AP3B1: variants seen among roughly 807,000 people sequenced by gnomAD.
The protein encoded by AP3B1 is adaptor related protein complex 3 subunit beta 1.
In AP3B1, 61 loss-of-function variants were observed where a neutral mutation model predicts 132.5. The ratio of observed to expected loss-of-function variants is 0.46; its 90% CI spans 0.37 to 0.57. The LOEUF (loss-of-function observed/expected upper bound fraction) is 0.57. Among genes scored for constraint, AP3B1 ranks in the 20% least tolerant of loss-of-function variants. AP3B1 has a pLI of 0.00. For synonymous variants in AP3B1, 388 were observed against 438.3 expected, an observed-to-expected ratio of 0.89 and a Z score of 1.43; for missense variants, 1,120 against 1,289.4, an observed-to-expected ratio of 0.87 and a Z score of 2.01.
intron 2 of AP3B1, among the ~76,000 whole-genome samples, chr5:78,245,083 T>G (rs1039598918): frequency 6.6e-6 from 1 of 151,676 alleles, no homozygotes; most frequent in African/African-American, 2.4e-5. Context: ...CAACAAAGGA[T>G]TGAGAAGAGA....
At chr5:78,057,329 A>AGG (rs1748857448) in intron 22 of AP3B1, among the ~76,000 whole-genome samples, 2 of 152,146 alleles carry the variant, frequency 1.3e-5, no homozygotes. Context: ...GTGGACCCTT[A>AGG]GGGTTCCTTT....
At chr5:78,006,090 T>C (rs1746379969) in intron 26 of AP3B1, among the ~76,000 whole-genome samples, 1 of 152,212 alleles carries the variant, frequency 6.6e-6, no homozygotes, top group Non-Finnish European at 1.5e-5. Context: ...CAGCTATCAT[T>C]TGTTAAGCAC....
intron 13 of AP3B1, among the ~76,000 whole-genome samples, chr5:78,159,300 T>C (rs866360966): frequency 6.6e-6 from 1 of 152,166 alleles, no homozygotes; most frequent in African/African-American, 2.4e-5. Context: ...TTTGGCATCA[T>C]TTATCTTTAG....
intron 7 of AP3B1, among the ~76,000 whole-genome samples, chr5:78,195,447 C>T (rs1470304356): frequency 6.6e-6 from 1 of 152,154 alleles, no homozygotes; most frequent in South Asian, 2.1e-4. Flanking sequence ...CTCATAAATA[C>T]AGCCAACTGC....
At chr5:78,149,649 T>C (rs1415886260) in intron 14 of AP3B1, among the ~76,000 whole-genome samples, 10 of 152,206 alleles carry the variant, frequency 6.6e-5, no homozygotes, top group Non-Finnish European at 1.2e-4. Context: ...TTGTCAGTAC[T>C]ATGATCCCCA....
At chr5:78,231,075 G>A (rs536212123) in intron 3 of AP3B1, among the ~76,000 whole-genome samples, 337 of 151,984 alleles carry the variant, frequency 2.2e-3, no homozygotes, top group Non-Finnish European at 3.8e-3. Context: ...AGCCAAGATC[G>A]CACCACTGCA....
intron 1 of AP3B1, among the ~76,000 whole-genome samples, chr5:78,284,459 T>C (rs772213446): frequency 1.1e-4 from 16 of 152,234 alleles, no homozygotes; most frequent in Non-Finnish European, 2.4e-4. Flanking sequence ...TTGTATACCT[T>C]AGTTGTTTAC....
At chr5:78,062,177 G>A (rs1749087525) in intron 22 of AP3B1, among the ~76,000 whole-genome samples, 1 of 152,134 alleles carries the variant, frequency 6.6e-6, no homozygotes, top group South Asian at 2.1e-4. Context: ...AACTTTCTCT[G>A]CAAAAATACC....
At chr5:78,196,756 G>C (rs1580473288) in intron 7 of AP3B1, among the ~76,000 whole-genome samples, 1 of 152,148 alleles carries the variant, frequency 6.6e-6, no homozygotes, top group African/African-American at 2.4e-5. Context: ...ATATAAGTGA[G>C]AGAATCCAAT....
At chr5:78,000,582 T>C (rs957241782), downstream of AP3B1, 15 of 151,996 alleles carry the variant, frequency 9.9e-5, no homozygotes, top group Non-Finnish European at 1.9e-4. Flanking sequence ...ACAGTCTCTT[T>C]AGAATAAAAA....
intron 21 of AP3B1, among the ~76,000 whole-genome samples, chr5:78,092,128 T>C (rs750773636): frequency 1.3e-5 from 2 of 152,226 alleles, no homozygotes. Flanking sequence ...TACATCTATC[T>C]ACCCACCCGT....
At chr5:78,116,595 G>A (rs543968534) in intron 17 of AP3B1, among the ~76,000 whole-genome samples, 1 of 151,564 alleles carries the variant, frequency 6.6e-6, no homozygotes, top group African/African-American at 2.4e-5. Context: ...TTGATAGCTT[G>A]ACACTGAGGG....
intron 2 of AP3B1, among the ~76,000 whole-genome samples, chr5:78,246,480 C>T (rs568053997): frequency 5.9e-5 from 9 of 152,068 alleles, no homozygotes; most frequent in Admixed American, 3.3e-4. Flanking sequence ...TAGAACTGAA[C>T]GTTCCCTGTA....
At chr5:78,233,686 G>T (rs1161212845) in intron 3 of AP3B1, among the ~76,000 whole-genome samples, 2 of 152,134 alleles carry the variant, frequency 1.3e-5, no homozygotes, top group Non-Finnish European at 2.9e-5. Context: ...AATGTGTAAG[G>T]CCCTACATCT....
rs963813048 is a variant in AP3B1 at position 78,060,772 on chromosome 5, G to GA, written c.2578-21499dup. On this transcript the variant is annotated intron_variant, in intron 22 of 26. Transcript: ENST00000255194. ...TATTAACAGAAATATTCAGGTTTTT[G>GA]AAAAAAAAAAATCTTTCATCACAAG... 2.3e-3 allele frequency among the ~76,000 whole-genome samples: 331 copies of GA among 144,498 alleles called. 1 individual carries two copies. Among genetic ancestry groups the GA allele is most frequent in the African/African-American group, 6.9e-3 (275 of 39,602 alleles). 94.8% of individuals were successfully genotyped at this position (144,498 alleles called of 152,430 possible). A position where few individuals can be genotyped will look rare whatever the true frequency, so the allele number is the denominator to read the frequency against.
intron 21 of AP3B1, among the ~76,000 whole-genome samples, chr5:78,089,775 C>G (rs972908588): frequency 6.6e-6 from 1 of 152,114 alleles, no homozygotes; most frequent in African/African-American, 2.4e-5. Flanking sequence ...AACATTATCA[C>G]TAACATTTAT....
At chr5:78,234,341 A>G (rs1276064718) in intron 3 of AP3B1, among the ~76,000 whole-genome samples, 1 of 152,204 alleles carries the variant, frequency 6.6e-6, no homozygotes, top group African/African-American at 2.4e-5. Flanking sequence ...TATAAGATGG[A>G]AACCAAATGA....
At chr5:78,038,130 G>C (rs1483511019) in intron 23 of AP3B1, among the ~76,000 whole-genome samples, 1 of 152,152 alleles carries the variant, frequency 6.6e-6, no homozygotes, top group Non-Finnish European at 1.5e-5. Context: ...CCCACTCATT[G>C]GTTGCTGCAT....
intron 7 of AP3B1, among the ~76,000 whole-genome samples, chr5:78,206,070 AC>A (rs1268973114): frequency 6.6e-5 from 10 of 152,118 alleles, no homozygotes; most frequent in African/African-American, 2.4e-4. Context: ...TTTAATGTGA[AC>A]ATTTCCACAA....
Sources: gnomAD v4.1 joint callset for allele counts (sites outside exome capture counted in the v4.1 genomes callset) on GRCh38, gnomAD v4.1.1 for gene constraint, MANE v1.5 for transcripts, NCBI Gene and HGNC (gene_info 2026-07-23, HGNC 2026-07-21) for gene names.